Variants in SLC1A6 observed in about 807,000 individuals in gnomAD.
SLC1A6 encodes the protein solute carrier family 1 member 6.
A neutral mutation model predicts 42.1 loss-of-function variants in SLC1A6; 15 were observed. The observed-to-expected ratio is 0.36, with a 90% CI of 0.24 to 0.55. The LOEUF (loss-of-function observed/expected upper bound fraction) is 0.55, where lower values mean the gene tolerates loss of function less well. SLC1A6 is among the 20% of genes least tolerant of loss of function. SLC1A6 has a pLI of 0.88. For synonymous variants in SLC1A6, 317 were observed against 319.7 expected, an observed-to-expected ratio of 0.99 and a Z score of 0.09; for missense variants, 542 against 772.5, an observed-to-expected ratio of 0.70 and a Z score of 3.54.
At chr19:14,986,325 C>T (rs933945752) in intron 1 of SLC1A6, among the ~76,000 whole-genome samples, 2 of 151,874 alleles carry the variant, frequency 1.3e-5, no homozygotes, top group Non-Finnish European at 2.9e-5. Flanking sequence ...CAAGACCAGC[C>T]TGGCCAACAT....
intron 1 of SLC1A6, among the ~76,000 whole-genome samples, chr19:14,986,824 G>A (rs118097745): frequency 0.023 from 3,480 of 151,892 alleles, 49 homozygotes; most frequent in Non-Finnish European, 0.033. Flanking sequence ...CTCCTGCCTC[G>A]GCCTCCCAAG....
chr19:14,986,363 C>CA (rs981174937), intron 1 of SLC1A6, among the ~76,000 whole-genome samples: 8 of 149,818 alleles, frequency 5.3e-5, no homozygotes, highest in East Asian at 2.0e-4. Context: ...ACTAAAAATA[C>CA]AAAAAAAAAT....
At chr19:14,987,747 A>G (rs1207951820) in intron 1 of SLC1A6, among the ~76,000 whole-genome samples, 1 of 152,146 alleles carries the variant, frequency 6.6e-6, no homozygotes, top group Non-Finnish European at 1.5e-5. Context: ...CTCCCCCAGT[A>G]TGTTCCACAG....
In SLC1A6 at chr19:14,952,947, T is replaced by C. The variant is rs2045426946; in HGVS notation, c.1480A>G (p.Ile494Val). 1 of 1,613,644 alleles carries C rather than the reference T, an allele frequency of 6.2e-7. No individual in the cohort carries two copies. The highest frequency in any genetic ancestry group is 1.7e-5 in the Admixed American group (1 of 59,978). The stretch of plus-strand genomic sequence containing the variant: ...ACTCACAGGAACCAGTCCACGGCAA[T>C]GATGAGCGTGATGTCTTCCGTGGGC... ...GLPTEDITLI[I>V]AVDWFLDRLR... The change falls in exon 9 of 10, where the codon ATT becomes GTT. Residue 494 changes from isoleucine to valine, a missense_variant. By Grantham distance (29) the Ile-to-Val change is conservative. Around this residue, in one of 6 missense-constraint regions of SLC1A6, gnomAD observed 54 missense variants for 125.1 expected, o/e 0.43. Transcript: ENST00000594383.
Position 14,972,625 on chromosome 19 carries a change from A to G in SLC1A6, c.205+81T>C, listed in dbSNP as rs574866095. On this transcript the variant is annotated intron_variant, in intron 2 of 9. Coordinates refer to ENST00000594383, the MANE Select transcript of SLC1A6 (RefSeq NM_005071.3). ...CAGGTGAGAATGAAGGGGTGCAGCA[A>G]AGAGATGTGTAGAGGCCAGGAATTT... The G allele has an allele frequency of 2.3e-4, 276 of 1,186,362 alleles. 2 individuals are homozygous for G. The highest frequency in any genetic ancestry group is 2.1e-3 in the East Asian group (89 of 41,598). 73.5% of individuals were successfully genotyped at this position (1,186,362 alleles called of 1,614,324 possible).
intron 4 of SLC1A6, among the ~76,000 whole-genome samples, chr19:14,965,005 A>G (rs1388521476): frequency 2.6e-5 from 4 of 151,564 alleles, no homozygotes; most frequent in Admixed American, 6.6e-5. Flanking sequence ...ACCTCTATGG[A>G]AAACAGTATG....
At position 15,008,894 on chromosome 19, in the gene SLC1A6, G is replaced by T. The variant is rs758025197; in HGVS notation, c.6+1591C>A. Among the ~76,000 whole-genome samples, 3 of 151,318 alleles carry T rather than the reference G, an allele frequency of 2.0e-5. 1 individual carries two copies. Among genetic ancestry groups the T allele is most frequent in the African/African-American group, 7.3e-5 (3 of 41,272 alleles). ...ACCTGTAATTTCAGCTATTCAGGAG[G>T]CCAAGGTGATGGAATCAGCTGAGCC... On this transcript the variant is annotated intron_variant, in intron 1 of 8. Transcript: ENST00000430939.
At position 14,950,276 on chromosome 19, in the gene SLC1A6, G is replaced by A. The variant is rs1204933471; in HGVS notation, c.1614C>T (p.Ser538=). 16 of 1,611,978 alleles carry A rather than the reference G, an allele frequency of 9.9e-6. No individual in the cohort carries two copies. The highest frequency in any genetic ancestry group is 1.3e-5 in the African/African-American group (1 of 74,926). The part of the protein sequence containing the change: ...ELQEAELTLP[S]LGKPYKSLMA... ...TGAGGGACTTGTAGGGTTTCCCCAG[G>A]CTGGGGAGGGTAAGCTCAGCTTCCT... The change falls in exon 10 of 10, where the codon AGC becomes AGT. Residue 538 remains serine, a synonymous_variant. Coordinates refer to ENST00000594383, the MANE Select transcript of SLC1A6 (RefSeq NM_005071.3).
chr19:14,990,376 G>A (rs1417014273), intron 1 of SLC1A6, among the ~76,000 whole-genome samples: 1 of 152,128 alleles, frequency 6.6e-6, no homozygotes, highest in Admixed American at 6.6e-5. Flanking sequence ...AAAAACAATT[G>A]AACTCATAAC....
intron 4 of SLC1A6, among the ~76,000 whole-genome samples, chr19:14,965,765 G>A (rs932329822): frequency 2.0e-5 from 3 of 151,388 alleles, no homozygotes; most frequent in Non-Finnish European, 2.9e-5. Context: ...CAGGAGAATC[G>A]CTTGAACCCG....
intron 1 of SLC1A6, among the ~76,000 whole-genome samples, chr19:15,002,799 G>A (rs1402119891): frequency 6.6e-6 from 1 of 152,198 alleles, no homozygotes; most frequent in African/African-American, 2.4e-5. Flanking sequence ...CAATTTCAAA[G>A]CTACCAGGAG....
Position 14,979,615 on chromosome 19 carries a change from G to A in SLC1A6, c.-314C>T, listed in dbSNP as rs1479182808. The A allele has an allele frequency of 6.6e-6, 1 of 150,736 alleles. No individual in the cohort carries two copies. The highest frequency in any genetic ancestry group is 1.5e-5 in the Non-Finnish European group (1 of 67,800). The allele number at this position is 150,736 out of a possible 1,614,324, so 9.3% of individuals were successfully genotyped here. On this transcript the variant is annotated 5_prime_UTR_variant, in exon 1 of 10. Transcript: ENST00000594383. The surrounding 1 kb of genome is among the most constrained non-coding windows in gnomAD (Gnocchi z 4.2). ...GCGAAGCGCCCGGCCGGGGCCGCGG[G>A]GACCCGCCAGGGACTGTGCAGCACC... is the stretch of plus-strand genomic sequence containing the variant.
chr19:14,952,550 G>A (rs1167255189), intron 9 of SLC1A6, among the ~76,000 whole-genome samples: 1 of 151,602 alleles, frequency 6.6e-6, no homozygotes, highest in Non-Finnish European at 1.5e-5. Context: ...TCAGCCTCCT[G>A]AGCAGCTGGG....
At chr19:14,968,887 TGGAGTGCA>T (rs2045605585) in intron 3 of SLC1A6, among the ~76,000 whole-genome samples, 1 of 100,504 alleles carries the variant, frequency 9.9e-6, no homozygotes, top group African/African-American at 4.9e-5. Flanking sequence ...TCGCCCAGAC[TGGAGTGCA>T]ATGGTGCGAT....
chr19:15,010,206 GAA>G (rs1380898071), intron 1 of SLC1A6, among the ~76,000 whole-genome samples: 35,065 of 138,872 alleles, frequency 0.25, 4,532 homozygotes, highest in East Asian at 0.5. Context: ...AAGAAAGAAA[GAA>G]AAAAGAAAGA....
intron 3 of SLC1A6, among the ~76,000 whole-genome samples, chr19:14,970,350 C>A (rs936568964): frequency 3.3e-5 from 5 of 152,138 alleles, no homozygotes; most frequent in African/African-American, 1.2e-4. Context: ...TGATTACAGG[C>A]ATAAGTCACC....
intron 8 of SLC1A6, among the ~76,000 whole-genome samples, chr19:14,953,706 T>C (rs561399059): frequency 2.7e-4 from 41 of 152,280 alleles, no homozygotes; most frequent in African/African-American, 9.4e-4. Context: ...AAAGTAACGC[T>C]GAAGACCTGA....
chr19:14,976,237 A>C (rs1325867285), intron 1 of SLC1A6, among the ~76,000 whole-genome samples: 1 of 152,254 alleles, frequency 6.6e-6, no homozygotes, highest in African/African-American at 2.4e-5. Flanking sequence ...ATGTTTCATC[A>C]CAGCAATATT....
chr19:14,950,458 CA>C, intron 9 of SLC1A6, 68 bp from the exon 10 acceptor site: 1 of 1,256,006 alleles, frequency 8.0e-7, no homozygotes, highest in South Asian at 1.6e-5. Context: ...GAGGGTGCAG[CA>C]GAGGGGGGTC....
Sources: allele counts gnomAD v4.1 joint callset (sites outside exome capture counted in the v4.1 genomes callset), GRCh38; gene constraint gnomAD v4.1.1; regional missense constraint gnomAD v4.1.1; non-coding constraint Gnocchi (gnomAD v3.1); transcripts MANE v1.5; gene names NCBI Gene and HGNC (gene_info 2026-07-23, HGNC 2026-07-21).